The following TCAIM variants were observed in gnomAD, a reference collection of about 807,000 sequenced individuals.
The protein encoded by TCAIM is T-cell activation inhibitor, mitochondrial.
A neutral mutation model predicts 58.6 loss-of-function variants in TCAIM; 36 were observed. The ratio of observed to expected loss-of-function variants is 0.61; its 90% CI spans 0.47 to 0.81. TCAIM has a LOEUF of 0.81. Among genes scored for constraint, TCAIM ranks in the 30% least tolerant of loss-of-function variants. The pLI is 0.00. For missense variants in TCAIM, 466 were observed against 579.6 expected, an observed-to-expected ratio of 0.80 and a Z score of 2.01; for synonymous variants, 172 against 193.6, an observed-to-expected ratio of 0.89 and a Z score of 0.93.
chr3:44,394,924 ATATATATATATATATATAT>A (rs1701908494), intron 6 of TCAIM, among the ~76,000 whole-genome samples: 6 of 20,690 alleles, frequency 2.9e-4, no homozygotes, highest in African/African-American at 1.2e-3. Context: ...AAAAAAAAAT[ATATATATATATATATATAT>A]ATATATATAT....
chr3:44,395,892 T>C lies in TCAIM; in HGVS notation c.696-508T>C, dbSNP rs147708942. On this transcript the variant is annotated intron_variant, in intron 6 of 10. Coordinates refer to ENST00000342649, the MANE Select transcript of TCAIM (RefSeq NM_173826.4). ...GTCCCAGCTACTCGTGAGGCTGAGG[T>C]AGGAGGATCTCTTGAGCAGAGGAGG... 9.6e-3 allele frequency among the ~76,000 whole-genome samples: 1,468 copies of C among 152,228 alleles called. 10 individuals carry two copies. Among genetic ancestry groups the C allele is most frequent in the Middle Eastern group, 0.02 (6 of 294 alleles).
In TCAIM at chr3:44,399,903, C is replaced by T. The variant is rs114633716; in HGVS notation, c.886-452C>T. 3.2e-3 allele frequency among the ~76,000 whole-genome samples: 488 copies of T among 152,224 alleles called. 2 individuals carry two copies. Among genetic ancestry groups the T allele is most frequent in the African/African-American group, 0.011 (458 of 41,520 alleles). ...CTTGAAGTGTCCAGCTCAGTGCTTA[C>T]GTATATGGTAGGTGCGCAATCATAT... is the stretch of plus-strand genomic sequence containing the variant. On this transcript the variant is annotated intron_variant, in intron 8 of 10. Transcript: ENST00000342649.
chr3:44,347,114 C>G (rs1159544107), intron 1 of TCAIM, among the ~76,000 whole-genome samples: 1 of 151,942 alleles, frequency 6.6e-6, no homozygotes, highest in Non-Finnish European at 1.5e-5. Flanking sequence ...TGGAGATTAG[C>G]CAGACACGAT....
chr3:44,372,830 A>G (rs1426008843), intron 5 of TCAIM, among the ~76,000 whole-genome samples: 1 of 152,064 alleles, frequency 6.6e-6, no homozygotes, highest in African/African-American at 2.4e-5. Flanking sequence ...TCCTGACCTC[A>G]TGATCCACCC....
chr3:44,373,327 T>G (rs1177622801), intron 5 of TCAIM, among the ~76,000 whole-genome samples: 1 of 152,180 alleles, frequency 6.6e-6, no homozygotes, highest in Non-Finnish European at 1.5e-5. Context: ...TTGTGTTTTA[T>G]CTTACTTCAA....
At chr3:44,344,424 AT>A (rs2125623830) in intron 1 of TCAIM, among the ~76,000 whole-genome samples, 1 of 152,314 alleles carries the variant, frequency 6.6e-6, no homozygotes, top group African/African-American at 2.4e-5. Context: ...GTGTCAAACT[AT>A]CATAAACCAG....
chr3:44,386,406 C>T (rs1487889770), intron 5 of TCAIM, among the ~76,000 whole-genome samples: 2 of 152,128 alleles, frequency 1.3e-5, no homozygotes, highest in Non-Finnish European at 2.9e-5. Context: ...TCCGGGGCTG[C>T]GTGCTCTACA....
intron 10 of TCAIM, 73 bp downstream of exon 10, chr3:44,401,407 A>C: frequency 6.4e-7 from 1 of 1,572,888 alleles, no homozygotes; most frequent in Non-Finnish European, 8.7e-7. Context: ...TGGAACTCAT[A>C]AATATGGGAC....
chr3:44,400,383 A>G lies in TCAIM; in HGVS notation c.914A>G (p.Asp305Gly). 1.2e-6 allele frequency: 2 copies of G among 1,613,560 alleles called. No individual in the cohort carries two copies. The highest frequency in any genetic ancestry group is 1.7e-6 in the Non-Finnish European group (2 of 1,179,822). The change falls in exon 9 of 11, where the codon GAC becomes GGC. Residue 305 changes from aspartate to glycine, a missense_variant. Coordinates refer to ENST00000342649, the MANE Select transcript of TCAIM (RefSeq NM_173826.4). The part of the protein sequence containing the change: ...KLFERLPSYF[D>G]LQRRLMILED... ...TTTGAAAGATTGCCAAGTTATTTTG[A>G]CCTTCAGAGGAGGCTGATGATTTTA...
At chr3:44,382,071 G>T (rs889181860) in intron 5 of TCAIM, among the ~76,000 whole-genome samples, 2 of 152,168 alleles carry the variant, frequency 1.3e-5, no homozygotes, top group African/African-American at 4.8e-5. Flanking sequence ...CAGATTTAAT[G>T]CAATCCCTAT....
At chr3:44,344,167 A>G (rs1243982042) in intron 1 of TCAIM, among the ~76,000 whole-genome samples, 1 of 151,810 alleles carries the variant, frequency 6.6e-6, no homozygotes, top group African/African-American at 2.4e-5. Context: ...GTGTGTCACC[A>G]CACTCAGCTA....
At chr3:44,378,663 TAGCC>T (rs1701604945) in intron 5 of TCAIM, among the ~76,000 whole-genome samples, 1 of 151,638 alleles carries the variant, frequency 6.6e-6, no homozygotes. Context: ...TACAAAAAAT[TAGCC>T]AGGCATGGTG....
At chr3:44,405,736 A>C (rs1219590606) in intron 10 of TCAIM, among the ~76,000 whole-genome samples, 1 of 151,782 alleles carries the variant, frequency 6.6e-6, no homozygotes, top group Non-Finnish European at 1.5e-5. Context: ...CGGGTGGATC[A>C]CCTAAGGTCA....
At chr3:44,366,345 T>G (rs1701373459) in intron 4 of TCAIM, among the ~76,000 whole-genome samples, 1 of 151,726 alleles carries the variant, frequency 6.6e-6, no homozygotes, top group Non-Finnish European at 1.5e-5. Flanking sequence ...TAGAGTGCAG[T>G]GGTACAATCT....
chr3:44,383,720 C>A (rs1701689492), intron 5 of TCAIM, among the ~76,000 whole-genome samples: 1 of 147,054 alleles, frequency 6.8e-6, no homozygotes, highest in African/African-American at 2.5e-5. Flanking sequence ...TGCCTGTAAT[C>A]CCAGCACTTT....
chr3:44,398,287 G>A (rs531056661), intron 8 of TCAIM, among the ~76,000 whole-genome samples: 1 of 151,976 alleles, frequency 6.6e-6, no homozygotes, highest in Non-Finnish European at 1.5e-5. Context: ...ATAAAAAGCC[G>A]GGCATGGTGG....
At position 44,396,438 on chromosome 3, in the gene TCAIM, A is replaced by G; in HGVS notation, c.734A>G (p.Gln245Arg). Residue 245 changes from glutamine (Q) to arginine (R), a missense_variant, in exon 7 of 11, where the codon CAG (glutamine) becomes CGG (arginine). Coordinates refer to ENST00000342649, the MANE Select transcript of TCAIM (RefSeq NM_173826.4). ...RSWGIAHRCS[Q>R]LHSLSRLAQQ... ...TGGGGCATCGCCCACCGCTGTAGCCAGCTGCATAGTTTAAGCCGCTTAGCA... is the reference window on the plus strand; with the variant it reads ...TGGGGCATCGCCCACCGCTGTAGCCGGCTGCATAGTTTAAGCCGCTTAGCA... The G allele has an allele frequency of 6.2e-7, 1 of 1,613,962 alleles. No individual in the cohort carries two copies. Among genetic ancestry groups the G allele is most frequent in the Non-Finnish European group, 8.5e-7 (1 of 1,179,988 alleles).
At chr3:44,393,488 C>G (rs951948158) in intron 6 of TCAIM, among the ~76,000 whole-genome samples, 1 of 151,954 alleles carries the variant, frequency 6.6e-6, no homozygotes, top group Non-Finnish European at 1.5e-5. Context: ...CTTCTTTCTT[C>G]TATATATAGA....
At chr3:44,358,106 T>G in intron 3 of TCAIM, 1 of 1,435,102 alleles carries the variant, frequency 7.0e-7, no homozygotes, top group Non-Finnish European at 9.1e-7. Context: ...CTCTTTAGAG[T>G]ACTAGTAATC....
Sources: allele counts gnomAD v4.1 joint callset (sites outside exome capture counted in the v4.1 genomes callset), GRCh38; gene constraint gnomAD v4.1.1; transcripts MANE v1.5; gene names NCBI Gene and HGNC (gene_info 2026-07-23, HGNC 2026-07-21).